The following SPAG16 variants were observed in gnomAD, a reference collection of about 807,000 sequenced individuals.
SPAG16 encodes sperm-associated antigen 16 protein.
SPAG16 carries 86 observed loss-of-function variants against 80.4 expected under a neutral mutation model. That is an observed-to-expected ratio of 1.07 (90% confidence interval 0.90 to 1.28). The LOEUF is 1.28. SPAG16 is among the 50% of genes most tolerant of loss of function. The probability of loss-of-function intolerance (pLI) is 0.00; values close to 1 mark genes in which losing one functional copy is unlikely to be tolerated. For synonymous variants in SPAG16, 294 were observed against 265.9 expected (o/e 1.11, Z -1.03); for missense variants, 870 against 765.3 (o/e 1.14, Z -1.61).
At chr2:213,711,739 C>T (rs1242192631) in intron 10 of SPAG16, among the ~76,000 whole-genome samples, 6 of 151,892 alleles carry the variant, frequency 4.0e-5, no homozygotes, top group African/African-American at 1.2e-4. Flanking sequence ...AGGGTGGTCT[C>T]GAACTCCTGA....
intron 9 of SPAG16, among the ~76,000 whole-genome samples, chr2:213,395,465 T>C (rs2067984708): frequency 6.6e-6 from 1 of 152,202 alleles, no homozygotes; most frequent in South Asian, 2.1e-4. Context: ...CATCAAGTCT[T>C]CCTCTTTGAC....
intron 14 of SPAG16, among the ~76,000 whole-genome samples, chr2:214,145,571 A>G (rs1181839317): frequency 2.0e-5 from 3 of 152,104 alleles, no homozygotes; most frequent in African/African-American, 4.8e-5. Flanking sequence ...CTAATTTATT[A>G]TTAACTTCAT....
chr2:213,490,631 C>T (rs1291724116), intron 10 of SPAG16, among the ~76,000 whole-genome samples: 1 of 151,940 alleles, frequency 6.6e-6, no homozygotes, highest in African/African-American at 2.4e-5. Context: ...TATTTTTATT[C>T]AAAATTCAAA....
intron 12 of SPAG16, among the ~76,000 whole-genome samples, chr2:213,931,382 G>A (rs1368798885): frequency 6.6e-6 from 1 of 151,940 alleles, no homozygotes; most frequent in African/African-American, 2.4e-5. Flanking sequence ...TCTCAGATGG[G>A]TACTTACTAT....
chr2:213,772,088 T>G (rs1348240696), intron 10 of SPAG16, among the ~76,000 whole-genome samples: 1 of 152,234 alleles, frequency 6.6e-6, no homozygotes, highest in Non-Finnish European at 1.5e-5. Context: ...GAGCATGGAA[T>G]GTTTTTCCAT....
chr2:213,789,134 T>C lies in SPAG16; in HGVS notation c.1071-73351T>C, dbSNP rs556373519. ...TTGTACTGAAGCACTTAAAAATGCATGTATGGAATTGAAAAATAGATTAAA... is the reference window on the plus strand; with the variant it reads ...TTGTACTGAAGCACTTAAAAATGCACGTATGGAATTGAAAAATAGATTAAA... On this transcript the variant is annotated intron_variant, in intron 10 of 15. Transcript: ENST00000331683. Among the ~76,000 whole-genome samples, 26 of 151,926 alleles carry C rather than the reference T, an allele frequency of 1.7e-4. 1 individual carries two copies. The highest frequency in any genetic ancestry group is 3.4e-4 in the Non-Finnish European group (23 of 67,810).
intron 10 of SPAG16, among the ~76,000 whole-genome samples, chr2:213,536,013 A>G (rs1016836993): frequency 6.6e-6 from 1 of 152,114 alleles, no homozygotes; most frequent in African/African-American, 2.4e-5. Context: ...AGCATATTTT[A>G]TCTATTCTTT....
chr2:213,884,600 T>A (rs2076482553), intron 11 of SPAG16, among the ~76,000 whole-genome samples: 1 of 152,178 alleles, frequency 6.6e-6, no homozygotes, highest in Non-Finnish European at 1.5e-5. Context: ...TCCAAGTTGT[T>A]TATTCTCTCT....
chr2:213,757,178 G>A (rs145550524), intron 10 of SPAG16, among the ~76,000 whole-genome samples: 4 of 152,220 alleles, frequency 2.6e-5, no homozygotes, highest in Admixed American at 2.0e-4. Flanking sequence ...CTAAAGACTT[G>A]TTCTCTGAAA....
At chr2:214,041,593 G>A (rs1252486953) in intron 13 of SPAG16, among the ~76,000 whole-genome samples, 1 of 151,324 alleles carries the variant, frequency 6.6e-6, no homozygotes. Flanking sequence ...GTATTGTATT[G>A]TCTCTTATCT....
intron 5 of SPAG16, among the ~76,000 whole-genome samples, chr2:213,321,723 T>C (rs961215640): frequency 2.0e-5 from 3 of 152,178 alleles, no homozygotes; most frequent in African/African-American, 7.2e-5. Context: ...GCTATAAATA[T>C]AGATTATCTG....
chr2:213,742,559 T>TTG (rs2125458576), intron 10 of SPAG16, among the ~76,000 whole-genome samples: 1 of 150,886 alleles, frequency 6.6e-6, no homozygotes, highest in African/African-American at 2.4e-5. Flanking sequence ...TTTTTTTTTT[T>TTG]TTTTTTTTTT....
At chr2:213,956,587 A>G (rs1475962828) in intron 12 of SPAG16, among the ~76,000 whole-genome samples, 3 of 150,848 alleles carry the variant, frequency 2.0e-5, no homozygotes, top group South Asian at 4.2e-4. Context: ...AACTGGGATT[A>G]CAGGTGCATG....
At chr2:213,663,139 G>A (rs2063484227) in intron 10 of SPAG16, among the ~76,000 whole-genome samples, 1 of 152,034 alleles carries the variant, frequency 6.6e-6, no homozygotes, top group Admixed American at 6.6e-5. Flanking sequence ...GATCAGATCT[G>A]TTGAGCTGTG....
intron 13 of SPAG16, among the ~76,000 whole-genome samples, chr2:214,044,664 C>G (rs2049215407): frequency 6.6e-6 from 1 of 152,162 alleles, no homozygotes; most frequent in African/African-American, 2.4e-5. Context: ...ATTGCCATTG[C>G]CACCCCTCCT....
At chr2:213,697,606 T>C (rs1245210147) in intron 10 of SPAG16, among the ~76,000 whole-genome samples, 1 of 152,212 alleles carries the variant, frequency 6.6e-6, no homozygotes, top group Non-Finnish European at 1.5e-5. Flanking sequence ...ACCATGATTT[T>C]AGCCCAGTCT....
At chr2:214,063,574 C>T (rs2050387265) in intron 13 of SPAG16, among the ~76,000 whole-genome samples, 1 of 152,168 alleles carries the variant, frequency 6.6e-6, no homozygotes, top group Admixed American at 6.5e-5. Flanking sequence ...ACCCTTATGA[C>T]TTAATCACTT....
At chr2:213,484,055 T>C (rs1475602011) in intron 9 of SPAG16, among the ~76,000 whole-genome samples, 1 of 152,100 alleles carries the variant, frequency 6.6e-6, no homozygotes, top group African/African-American at 2.4e-5. Flanking sequence ...TAAGTGAATG[T>C]TTATGGTTGT....
intron 11 of SPAG16, among the ~76,000 whole-genome samples, chr2:213,883,172 G>T (rs1039708721): frequency 6.6e-6 from 1 of 152,136 alleles, no homozygotes; most frequent in African/African-American, 2.4e-5. Context: ...TTAACAGACT[G>T]CATTAGTTAC....
Sources: allele counts gnomAD v4.1 joint callset (sites outside exome capture counted in the v4.1 genomes callset), GRCh38; gene constraint gnomAD v4.1.1; transcripts MANE v1.5; gene names NCBI Gene and HGNC (gene_info 2026-07-23, HGNC 2026-07-21).